The following BCO1 variants were observed in gnomAD, a reference collection of about 807,000 sequenced individuals.
BCO1 encodes the protein beta,beta-carotene 15,15'-dioxygenase.
Under a neutral mutation model 56.3 loss-of-function variants are expected in BCO1, and 54 were observed. The observed-to-expected ratio is 0.96, with a 90% CI of 0.77 to 1.20. The LOEUF is 1.20. Ranked by LOEUF, BCO1 falls within the 50% of genes most tolerant of loss-of-function variation. The pLI is 0.00. For missense variants in BCO1, 801 were observed against 690.9 expected (o/e 1.16, Z -1.79); for synonymous variants, 318 against 266.1 (o/e 1.20, Z -1.90).
In BCO1 at chr16:81,264,688, C is replaced by A; in HGVS notation, c.520C>A (p.His174Asn). 1 of 1,614,184 alleles carries A rather than the reference C, an allele frequency of 6.2e-7. No individual in the cohort carries two copies. The highest frequency in any genetic ancestry group is 1.1e-5 in the South Asian group (1 of 91,084). Residue 174 changes from histidine to asparagine, a missense_variant, in exon 5 of 11, where the codon CAT (histidine) becomes AAT (asparagine). By Grantham distance (68) the His-to-Asn change is moderately conservative. Transcript: ENST00000258168. ...VAVNLATSHP[H>N]YDEAGNVLNM... ...GGTAAATCTGGCAACGTCACATCCC[C>A]ATTATGATGAGGCTGGAAATGTTCT...
intron 1 of BCO1, among the ~76,000 whole-genome samples, chr16:81,239,342 AT>A (rs1905012374): frequency 6.6e-6 from 1 of 152,006 alleles, no homozygotes; most frequent in Non-Finnish European, 1.5e-5. Context: ...GATGGACACT[AT>A]TTTTTCCTGA....
At chr16:81,242,628 C>T (rs1216775693) in intron 1 of BCO1, among the ~76,000 whole-genome samples, 1 of 152,116 alleles carries the variant, frequency 6.6e-6, no homozygotes, top group African/African-American at 2.4e-5. Flanking sequence ...ATCCCCGGGT[C>T]CTCTCTCTGG....
intron 7 of BCO1, among the ~76,000 whole-genome samples, chr16:81,275,007 C>T (rs1190826953): frequency 6.6e-6 from 1 of 152,202 alleles, no homozygotes; most frequent in Non-Finnish European, 1.5e-5. Context: ...TTTTTAATTG[C>T]TACTTATTGT....
At position 81,270,227 on chromosome 16, in the gene BCO1, G is replaced by C. The variant is rs1365511380; in HGVS notation, c.912G>C (p.Met304Ile). ...PVQTKFYTDA[M>I]VVFHHVNAYE... ...AGACCAAGTTTTACACAGACGCCAT[G>C]GTGGTCTTCCATCACGTCAACGCCT... The change falls in exon 7 of 11, where the codon ATG becomes ATC. Residue 304 changes from methionine to isoleucine, a missense_variant. Met to Ile is a conservative substitution (Grantham distance 10). Transcript: ENST00000258168. 6.2e-7 allele frequency: 1 copy of C among 1,614,196 alleles called. No individual in the cohort carries two copies. Among genetic ancestry groups the C allele is most frequent in the Admixed American group, 1.7e-5 (1 of 60,018 alleles).
At chr16:81,242,773 G>A (rs996337633) in intron 1 of BCO1, among the ~76,000 whole-genome samples, 1 of 152,100 alleles carries the variant, frequency 6.6e-6, no homozygotes, top group African/African-American at 2.4e-5. Context: ...GTACCAGTCT[G>A]TAGCCTGTTA....
At chr16:81,277,575 T>C (rs1417741609) in intron 7 of BCO1, among the ~76,000 whole-genome samples, 1 of 152,206 alleles carries the variant, frequency 6.6e-6, no homozygotes, top group Non-Finnish European at 1.5e-5. Context: ...ACCCCGATTT[T>C]ACACAGTGGA....
At position 81,288,768 on chromosome 16, in the gene BCO1, G is replaced by A. The variant is rs139077195; in HGVS notation, c.1414+1362G>A. On this transcript the variant is annotated intron_variant, in intron 10 of 10. Transcript: ENST00000258168. ...CTAAGGAGGGTAACTAGAACCATAG[G>A]TGGGGATGCCACCTGGCCACACCAG... 7.3e-3 allele frequency among the ~76,000 whole-genome samples: 1,112 copies of A among 152,298 alleles called. 7 individuals carry two copies. The highest frequency in any genetic ancestry group is 0.012 in the South Asian group (56 of 4,820).
intron 1 of BCO1, among the ~76,000 whole-genome samples, chr16:81,242,613 G>A (rs1488119909): frequency 6.6e-6 from 1 of 152,034 alleles, no homozygotes; most frequent in East Asian, 1.9e-4. Context: ...CTCCATCCCT[G>A]TGGAATCCCC....
In BCO1 at chr16:81,260,401, G is replaced by C. The variant is rs183671052; in HGVS notation, c.323+596G>C. 2.6e-4 allele frequency among the ~76,000 whole-genome samples: 40 copies of C among 152,166 alleles called. No homozygotes were observed. The East Asian group carries it at 7.1e-3, about 27-fold the overall frequency. ...AAGAAATCTAAATTAAATTTTGCTT[G>C]TACATGCATAAAGAAACTAGGAAAG... On this transcript the variant is annotated intron_variant, in intron 3 of 10. Coordinates refer to ENST00000258168, the MANE Select transcript of BCO1 (RefSeq NM_017429.3).
At chr16:81,270,489 T>C (rs1907127771) in intron 7 of BCO1, 73 bp downstream of exon 7, 1 of 1,591,222 alleles carries the variant, frequency 6.3e-7, no homozygotes, top group Non-Finnish European at 8.6e-7. Flanking sequence ...CTTTGGCCCT[T>C]ATTTGATTGA....
Position 81,265,220 on chromosome 16 carries a change from C to T in BCO1, c.619+433C>T, listed in dbSNP as rs541713159. On this transcript the variant is annotated intron_variant, in intron 5 of 10. Transcript: ENST00000258168. Reference sequence around the variant, plus strand: ...ACCTATCCATCACCCATCCACCATCCGTCCACCCATCCACCTATCCACCCC... The same window carrying T: ...ACCTATCCATCACCCATCCACCATCTGTCCACCCATCCACCTATCCACCCC... Among the ~76,000 whole-genome samples the T allele has an allele frequency of 1.3e-4, 19 of 150,606 alleles. No homozygotes were observed. In the South Asian group the frequency reaches 3.6e-3, roughly 28 times the overall value.
intron 3 of BCO1, 158 bp from the exon 4 acceptor site, chr16:81,261,978 G>T (rs762579176): frequency 3.7e-6 from 3 of 810,616 alleles, no homozygotes; most frequent in South Asian, 1.4e-5. Context: ...TCCTGACCTC[G>T]TGATCCACCT....
chr16:81,284,266 TTATATATTTATATATAAA>T (rs1255136543), intron 8 of BCO1, among the ~76,000 whole-genome samples: 9 of 862 alleles, frequency 0.01, no homozygotes, highest in Admixed American at 0.038. Flanking sequence ...AAATATATAT[TTATATATTTATATATAAA>T]TATATATTTA....
At chr16:81,287,465 A>G (rs962714194) in intron 10 of BCO1, 59 bp downstream of exon 10, 3 of 1,367,132 alleles carry the variant, frequency 2.2e-6, no homozygotes, top group African/African-American at 1.4e-5. Context: ...GCCCTCCAAC[A>G]GAGACACCAT....
intron 8 of BCO1, among the ~76,000 whole-genome samples, chr16:81,284,496 C>T (rs1366120792): frequency 6.6e-6 from 1 of 151,996 alleles, no homozygotes. Context: ...CTATAACCAG[C>T]ATTTTACACT....
At chr16:81,271,486 A>G (rs1237180597) in intron 7 of BCO1, among the ~76,000 whole-genome samples, 5 of 152,160 alleles carry the variant, frequency 3.3e-5, no homozygotes, top group Non-Finnish European at 2.9e-5. Flanking sequence ...ACCACGATAA[A>G]TTTTAGAACA....
intron 8 of BCO1, among the ~76,000 whole-genome samples, chr16:81,283,080 G>T (rs1488488750): frequency 6.6e-6 from 1 of 152,120 alleles, no homozygotes; most frequent in African/African-American, 2.4e-5. Context: ...TTATCCCAGA[G>T]CCCATTGCCT....
At chr16:81,260,088 G>C (rs2151935829) in intron 3 of BCO1, among the ~76,000 whole-genome samples, 1 of 152,248 alleles carries the variant, frequency 6.6e-6, no homozygotes, top group South Asian at 2.1e-4. Context: ...CTAGAGATCT[G>C]CTTACTTGCA....
chr16:81,280,232 C>T (rs545462017), intron 7 of BCO1, among the ~76,000 whole-genome samples: 4 of 137,868 alleles, frequency 2.9e-5, no homozygotes, highest in Admixed American at 1.6e-4. Context: ...CACTGCACTC[C>T]GGACTCCAGT....
Sources: allele counts gnomAD v4.1 joint callset (sites outside exome capture counted in the v4.1 genomes callset), GRCh38; gene constraint gnomAD v4.1.1; transcripts MANE v1.5; gene names NCBI Gene and HGNC (gene_info 2026-07-23, HGNC 2026-07-21).